C12orf54: variants seen among roughly 807,000 people sequenced by gnomAD.
C12orf54 encodes uncharacterized protein C12orf54.
A neutral mutation model predicts 26.4 loss-of-function variants in C12orf54; 24 were observed. That is an observed-to-expected ratio of 0.91 (90% CI 0.66 to 1.28). C12orf54 has a LOEUF of 1.28. Among genes scored for constraint, C12orf54 ranks in the 50% most tolerant of loss-of-function variants. C12orf54 has a pLI of 0.00. For synonymous variants in C12orf54, 54 were observed against 47.0 expected (o/e 1.15, Z -0.61); for missense variants, 154 against 150.9 (o/e 1.02, Z -0.11).
chr12:48,430,095 A>T, the C12orf54 span, among the ~76,000 whole-genome samples: 20,159 of 152,148 alleles, frequency 0.13, 2,687 homozygotes, highest in East Asian at 0.66. Flanking sequence ...TGGTAATAAG[A>T]TAATTGGCTA....
the C12orf54 span, among the ~76,000 whole-genome samples, chr12:48,467,510 T>C: frequency 6.6e-6 from 1 of 152,130 alleles, no homozygotes; most frequent in Non-Finnish European, 1.5e-5. Flanking sequence ...AAATAATTAT[T>C]CTGAATGAAA....
the C12orf54 span, among the ~76,000 whole-genome samples, chr12:48,451,376 C>T: frequency 6.6e-6 from 1 of 152,032 alleles, no homozygotes; most frequent in East Asian, 1.9e-4. Context: ...AACCCACAGC[C>T]AATATCATAC....
the C12orf54 span, among the ~76,000 whole-genome samples, chr12:48,440,472 G>C: frequency 6.4e-4 from 97 of 152,266 alleles, no homozygotes; most frequent in Non-Finnish European, 1.2e-3. Flanking sequence ...CATCTAAAGG[G>C]TCTTTGTTAA....
chr12:48,445,655 T>C, the C12orf54 span, among the ~76,000 whole-genome samples: 1 of 152,106 alleles, frequency 6.6e-6, no homozygotes, highest in East Asian at 1.9e-4. Context: ...TATAGCAAGA[T>C]ATAGGAAAGA....
chr12:48,457,213 C>T, the C12orf54 span, among the ~76,000 whole-genome samples: 1 of 151,890 alleles, frequency 6.6e-6, no homozygotes, highest in East Asian at 1.9e-4. Context: ...GGGCCCCAGG[C>T]CCGAACTCAG....
At chr12:48,455,617 G>T in the C12orf54 span, among the ~76,000 whole-genome samples, 2 of 152,164 alleles carry the variant, frequency 1.3e-5, no homozygotes, top group Non-Finnish European at 1.5e-5. Context: ...CTGAAGAAAA[G>T]ATTTAAATAA....
the C12orf54 span, among the ~76,000 whole-genome samples, chr12:48,419,095 T>C: frequency 4.0e-3 from 612 of 152,284 alleles, 4 homozygotes; most frequent in African/African-American, 0.014. Context: ...GGAACTCAAA[T>C]TACCTTCTTA....
the C12orf54 span, among the ~76,000 whole-genome samples, chr12:48,458,365 G>C: frequency 6.6e-6 from 1 of 152,194 alleles, no homozygotes. Flanking sequence ...CTCAGTATTT[G>C]AGTTAAACAT....
At chr12:48,488,809 C>T (rs1937717918) in intron 4 of C12orf54, 115 bp from the exon 5 acceptor site, 1 of 848,064 alleles carries the variant, frequency 1.2e-6, no homozygotes, top group Non-Finnish European at 1.9e-6. Flanking sequence ...TTGGCATTCA[C>T]ATTCTACAGC....
chr12:48,473,096 T>C, the C12orf54 span: 4 of 1,613,678 alleles, frequency 2.5e-6, no homozygotes, highest in South Asian at 4.4e-5. Flanking sequence ...AACTCACATA[T>C]CTCAACGGCT....
At chr12:48,483,732 G>A (rs560151863) in intron 2 of C12orf54, among the ~76,000 whole-genome samples, 1 of 152,182 alleles carries the variant, frequency 6.6e-6, no homozygotes, top group Non-Finnish European at 1.5e-5. Context: ...GGAAAAGAGG[G>A]CTAGAATCTG....
intron 5 of C12orf54, among the ~76,000 whole-genome samples, chr12:48,490,176 T>C (rs1236298831): frequency 1.3e-5 from 2 of 152,198 alleles, no homozygotes; most frequent in Non-Finnish European, 1.5e-5. Flanking sequence ...TTGGTATGAA[T>C]AGTTATGACT....
the C12orf54 span, among the ~76,000 whole-genome samples, chr12:48,416,956 G>T: frequency 6.6e-6 from 1 of 152,082 alleles, no homozygotes; most frequent in African/African-American, 2.4e-5. Context: ...GATGAGTTTG[G>T]TATGATCTCC....
At chr12:48,469,985 G>C in the C12orf54 span, among the ~76,000 whole-genome samples, 3 of 152,106 alleles carry the variant, frequency 2.0e-5, no homozygotes, top group African/African-American at 7.2e-5. Context: ...TAGGATTATG[G>C]CCTCCATCTC....
the C12orf54 span, among the ~76,000 whole-genome samples, chr12:48,457,591 C>T: frequency 2.6e-5 from 4 of 152,178 alleles, no homozygotes; most frequent in African/African-American, 9.6e-5. Flanking sequence ...CTCGGCCTCC[C>T]AAAGTTGGAT....
chr12:48,486,376 C>A (rs550936506), intron 3 of C12orf54, 168 bp downstream of exon 3: 1 of 667,732 alleles, frequency 1.5e-6, no homozygotes, highest in Non-Finnish European at 2.6e-6. Flanking sequence ...AACCAGGTAA[C>A]GTCTCCAATG....
At chr12:48,457,492 C>T in the C12orf54 span, among the ~76,000 whole-genome samples, 1 of 151,932 alleles carries the variant, frequency 6.6e-6, no homozygotes, top group African/African-American at 2.4e-5. Flanking sequence ...TGCCACCACA[C>T]CCGGCTAATT....
At chr12:48,426,982 A>G in the C12orf54 span, among the ~76,000 whole-genome samples, 1 of 152,012 alleles carries the variant, frequency 6.6e-6, no homozygotes, top group Non-Finnish European at 1.5e-5. Flanking sequence ...CTTTTGAGCC[A>G]TGCCCATGGG....
the C12orf54 span, among the ~76,000 whole-genome samples, chr12:48,433,316 C>T: frequency 7.9e-4 from 121 of 152,258 alleles, no homozygotes; most frequent in African/African-American, 2.3e-3. Flanking sequence ...GCATGATAGG[C>T]GATTCTATTC....
Sources: gnomAD v4.1 joint callset for allele counts (sites outside exome capture counted in the v4.1 genomes callset) on GRCh38, gnomAD v4.1.1 for gene constraint, MANE v1.5 for transcripts, NCBI Gene and HGNC (gene_info 2026-07-23, HGNC 2026-07-21) for gene names.